FRG1: variants seen among roughly 807,000 people sequenced by gnomAD.
FRG1 encodes protein FRG1.
In FRG1, 19 loss-of-function variants were observed where a neutral mutation model predicts 37.0. That is an observed-to-expected ratio of 0.51 (90% CI 0.36 to 0.75). The LOEUF is 0.75. Among genes scored for constraint, FRG1 ranks in the 30% least tolerant of loss-of-function variants. The pLI is 0.00. For missense variants in FRG1, 243 were observed against 301.4 expected (o/e 0.81, Z 1.44); for synonymous variants, 73 against 96.5 (o/e 0.76, Z 1.43).
At chr4:189,946,798 A>G (rs1736547686) in intron 2 of FRG1, among the ~76,000 whole-genome samples, 1 of 152,086 alleles carries the variant, frequency 6.6e-6, no homozygotes, top group Admixed American at 6.5e-5. Context: ...GTGAATTTCC[A>G]TGTAGACTTG....
chr4:189,941,468 T>C (rs1736297868), intron 1 of FRG1, among the ~76,000 whole-genome samples: 1 of 152,188 alleles, frequency 6.6e-6, no homozygotes, highest in African/African-American at 2.4e-5. Flanking sequence ...TAATTTTTTC[T>C]AATCTAATAT....
chr4:189,960,222 T>C (rs372575868), intron 6 of FRG1, among the ~76,000 whole-genome samples: 3 of 152,338 alleles, frequency 2.0e-5, no homozygotes, highest in African/African-American at 4.8e-5. Context: ...AATTAACTTA[T>C]GACATGTGGT....
chr4:189,952,593 T>C (rs879151488), intron 3 of FRG1, among the ~76,000 whole-genome samples: 3 of 152,216 alleles, frequency 2.0e-5, no homozygotes, highest in Non-Finnish European at 4.4e-5. Context: ...TGTTTGAATT[T>C]CTTTTTTATT....
At chr4:189,941,192 G>A in intron 1 of FRG1, 121 bp downstream of exon 1, 1 of 901,062 alleles carries the variant, frequency 1.1e-6, no homozygotes, top group Non-Finnish European at 1.8e-6. Flanking sequence ...GCTTCGCCCT[G>A]GCCCCTGTCC....
chr4:189,953,480 T>A (rs1178967014), intron 4 of FRG1, among the ~76,000 whole-genome samples: 3 of 152,124 alleles, frequency 2.0e-5, no homozygotes, highest in Admixed American at 2.0e-4. Flanking sequence ...AGGAATATTG[T>A]TGAAACCAGC....
Position 189,955,070 on chromosome 4 carries a change from T to C in FRG1, c.351T>C (p.Leu117=), listed in dbSNP as rs575089224. 169 of 1,613,168 alleles carry C rather than the reference T, an allele frequency of 1.0e-4. 3 individuals are homozygous for C. In the East Asian group the frequency reaches 3.4e-3, roughly 33 times the overall value. The change falls in exon 5 of 9, where the codon CTT becomes CTC. Residue 117 remains leucine (L), a synonymous_variant. Coordinates refer to ENST00000226798, the MANE Select transcript of FRG1 (RefSeq NM_004477.3). ...TGAAGTCTGGCTATGGAAAATATCTTGGTATAAATTCAGATGGACTTGTTG... is the reference window on the plus strand; with the variant it reads ...TGAAGTCTGGCTATGGAAAATATCTCGGTATAAATTCAGATGGACTTGTTG... ...IALKSGYGKY[L]GINSDGLVVG... is the part of the protein sequence containing the mutation.
At chr4:189,947,548 T>C (rs908942467) in intron 2 of FRG1, among the ~76,000 whole-genome samples, 3 of 152,200 alleles carry the variant, frequency 2.0e-5, no homozygotes, top group African/African-American at 4.8e-5. Flanking sequence ...TTCATCCTCA[T>C]GGGCCTCAGC....
In FRG1 at chr4:189,953,177, T is replaced by C. The variant is rs754200091; in HGVS notation, c.317+52T>C. The C allele has an allele frequency of 7.3e-6, 11 of 1,503,840 alleles. No individual in the cohort carries two copies. In the African/African-American group the frequency reaches 1.4e-4, roughly 19 times the overall value. 93.2% of individuals were successfully genotyped at this position (1,503,840 alleles called of 1,614,324 possible). ...TAACCAGTTATTTTAAAAATTTAAT[T>C]GTATTCATTAAAAATTTTAGTATCT... On this transcript the variant is annotated intron_variant, in intron 4 of 8. Coordinates refer to ENST00000226798, the MANE Select transcript of FRG1 (RefSeq NM_004477.3).
intron 5 of FRG1, 38 bp downstream of exon 5, chr4:189,955,189 T>C: frequency 7.8e-7 from 1 of 1,284,988 alleles, no homozygotes; most frequent in Non-Finnish European, 1.1e-6. Flanking sequence ...TTCCTGTCAG[T>C]TTAACAGAAA....
chr4:189,941,098 C>T (rs773070657), intron 1 of FRG1, 27 bp downstream of exon 1: 13 of 1,605,790 alleles, frequency 8.1e-6, no homozygotes, highest in African/African-American at 1.3e-5. Flanking sequence ...GGGCGGGAGC[C>T]TCCTCCGTTC....
intron 5 of FRG1, among the ~76,000 whole-genome samples, chr4:189,956,605 C>A (rs1179787486): frequency 1.3e-5 from 2 of 152,148 alleles, no homozygotes; most frequent in African/African-American, 4.8e-5. Context: ...ACCACCCAGC[C>A]CTTGTGACCT....
chr4:189,961,747 G>A (rs1737245183), intron 7 of FRG1, 75 bp from the exon 8 acceptor site: 4 of 670,730 alleles, frequency 6.0e-6, no homozygotes, highest in Non-Finnish European at 1.0e-5. Context: ...GAAATTAACA[G>A]TATTTATAAA....
intron 1 of FRG1, among the ~76,000 whole-genome samples, chr4:189,941,466 TC>T (rs764286550): frequency 7.2e-5 from 11 of 152,202 alleles, no homozygotes; most frequent in Non-Finnish European, 1.2e-4. Flanking sequence ...ATTAATTTTT[TC>T]TAATCTAATA....
chr4:189,952,393 C>T (rs1579631320), intron 3 of FRG1, 106 bp downstream of exon 3: 7 of 1,038,228 alleles, frequency 6.7e-6, no homozygotes, highest in Non-Finnish European at 8.5e-6. Flanking sequence ...AGGAATGGAA[C>T]CATTGCATTT....
intron 2 of FRG1, among the ~76,000 whole-genome samples, chr4:189,950,672 C>T (rs1226317001): frequency 4.6e-5 from 7 of 152,016 alleles, no homozygotes; most frequent in African/African-American, 1.5e-4. Context: ...TCTTTAAAAC[C>T]TTTTTATTAT....
chr4:189,941,122 TC>T, intron 1 of FRG1, 51 bp downstream of exon 1: 1 of 1,512,222 alleles, frequency 6.6e-7, no homozygotes, highest in Admixed American at 1.7e-5. Context: ...TCGGACGCAC[TC>T]CACCCCCGCA....
At position 189,940,901 on chromosome 4, in the gene FRG1, AGT is replaced by A; in HGVS notation, c.-106_-105del. 1 of 755,178 alleles carries A rather than the reference AGT, an allele frequency of 1.3e-6. No homozygotes were observed. The highest frequency in any genetic ancestry group is 2.3e-6 in the Non-Finnish European group (1 of 441,234). The allele number at this position is 755,178 out of a possible 1,614,324, so 46.8% of individuals were successfully genotyped here. A position where few individuals can be genotyped will look rare whatever the true frequency, so the allele number is the denominator to read the frequency against. On this transcript the variant is annotated 5_prime_UTR_variant, in exon 1 of 9. Coordinates refer to ENST00000226798, the MANE Select transcript of FRG1 (RefSeq NM_004477.3). The stretch of plus-strand genomic sequence containing the variant: ...TCTACAGAGACGTAGGCTGTCAGGG[AGT>A]GTTTATTTCGCGTCCGCTTCTGTTT...
chr4:189,960,050 G>C (rs75930046), intron 6 of FRG1: 1 of 205,672 alleles, frequency 4.9e-6, no homozygotes, highest in Non-Finnish European at 8.5e-6. Flanking sequence ...CCTCTAATCA[G>C]AACTGTCACA....
At chr4:189,942,131 A>G (rs544973363) in intron 1 of FRG1, 17 of 165,810 alleles carry the variant, frequency 1.0e-4, no homozygotes, top group South Asian at 8.1e-4. Flanking sequence ...AATAATCATA[A>G]TTAATGCTCA....
Sources: allele counts gnomAD v4.1 joint callset (sites outside exome capture counted in the v4.1 genomes callset), GRCh38; gene constraint gnomAD v4.1.1; transcripts MANE v1.5; gene names NCBI Gene and HGNC (gene_info 2026-07-23, HGNC 2026-07-21).